PEAK1: variants seen among roughly 807,000 people sequenced by gnomAD.
PEAK1 encodes inactive tyrosine-protein kinase PEAK1.
Under a neutral mutation model 124.7 loss-of-function variants are expected in PEAK1, and 54 were observed. That is an observed-to-expected ratio of 0.43 (90% CI 0.35 to 0.54). The LOEUF (loss-of-function observed/expected upper bound fraction) is 0.54, where lower values mean the gene tolerates loss of function less well. Among genes scored for constraint, PEAK1 ranks in the 20% least tolerant of loss-of-function variants. The pLI, the probability that PEAK1 is intolerant of heterozygous loss-of-function variation, is 0.01. For missense variants in PEAK1, 2,046 were observed against 2,134.5 expected, an observed-to-expected ratio of 0.96 and a Z score of 0.82; for synonymous variants, 719 against 760.0, an observed-to-expected ratio of 0.95 and a Z score of 0.89.
intron 1 of PEAK1, among the ~76,000 whole-genome samples, chr15:77,390,705 G>T (rs2070382206): frequency 6.6e-6 from 1 of 152,180 alleles, no homozygotes; most frequent in Non-Finnish European, 1.5e-5. Flanking sequence ...ATCCACAAAT[G>T]AGACTATAAA....
At position 77,213,707 on chromosome 15, in the gene PEAK1, AC is replaced by A. The variant is rs539165165; in HGVS notation, c.-114-31668del. ...CTGTCTCAAAAAAACAAAAACAAAA[AC>A]AAAAAATAGGTGGCACAAACCTGGG... On this transcript the variant is annotated intron_variant, in intron 6 of 9. Transcript: ENST00000682557. Among the ~76,000 whole-genome samples the A allele has an allele frequency of 9.9e-5, 15 of 152,188 alleles. No individual in the cohort carries two copies. The East Asian group carries it at 2.9e-3, about 29-fold the overall frequency.
At position 77,178,941 on chromosome 15, in the gene PEAK1, C is replaced by T; in HGVS notation, c.2986G>A (p.Ala996Thr). 6.2e-7 allele frequency: 1 copy of T among 1,614,098 alleles called. No individual in the cohort carries two copies. Among genetic ancestry groups the T allele is most frequent in the Non-Finnish European group, 8.5e-7 (1 of 1,180,010 alleles). The part of the protein sequence containing the change: ...AIVFMYRCDP[A>T]QGQLSVDQSK... ...TGATCCACACTGAGCTGGCCTTGAG[C>T]AGGGTCGCACCTGTACATGAAGACA... Residue 996 changes from alanine to threonine, a missense_variant, in exon 7 of 10, where the codon GCT becomes ACT. Physicochemically the swap from Ala to Thr is moderately conservative, Grantham distance 58. Coordinates refer to ENST00000682557, the MANE Select transcript of PEAK1 (RefSeq NM_001385026.1).
At chr15:77,368,723 T>TA (rs1476769071) in intron 1 of PEAK1, among the ~76,000 whole-genome samples, 8 of 152,118 alleles carry the variant, frequency 5.3e-5, no homozygotes, top group African/African-American at 1.9e-4. Context: ...AATCAACAAG[T>TA]AAAAATATAG....
intron 6 of PEAK1, among the ~76,000 whole-genome samples, chr15:77,216,848 T>C (rs1400604115): frequency 6.6e-6 from 1 of 152,126 alleles, no homozygotes; most frequent in African/African-American, 2.4e-5. Context: ...GAGATTTTAA[T>C]GGAAATTTTA....
intron 6 of PEAK1, among the ~76,000 whole-genome samples, chr15:77,189,539 C>A (rs2057728261): frequency 6.6e-6 from 1 of 152,224 alleles, no homozygotes; most frequent in African/African-American, 2.4e-5. Flanking sequence ...CCCTCCTCAG[C>A]TCTAAGATGA....
Position 77,114,114 on chromosome 15 carries a change from G to A in PEAK1, c.*42C>T, listed in dbSNP as rs2051143142. The A allele has an allele frequency of 1.0e-5, 16 of 1,583,718 alleles. No homozygotes were observed. The highest frequency in any genetic ancestry group is 1.4e-5 in the Non-Finnish European group (16 of 1,158,160). On this transcript the variant is annotated 3_prime_UTR_variant, in exon 10 of 10. Transcript: ENST00000682557. ...GGGAGGGGAAGTGCATGGGTGACAT[G>A]AAGAAGGTGAAGATGTAGTAAAAGC...
chr15:77,138,735 G>T (rs996298661), intron 8 of PEAK1, among the ~76,000 whole-genome samples: 2 of 152,010 alleles, frequency 1.3e-5, no homozygotes, highest in African/African-American at 4.8e-5. Flanking sequence ...GGTGGCGCAT[G>T]CCTATAGTCC....
intron 2 of PEAK1, chr15:77,346,573 C>G: frequency 1.0e-6 from 1 of 985,380 alleles, no homozygotes; most frequent in Non-Finnish European, 1.2e-6. Context: ...GAAACAGTCA[C>G]ATCTCAAGAG....
At chr15:77,352,374 T>G (rs1383523502) in intron 2 of PEAK1, 2 of 985,116 alleles carry the variant, frequency 2.0e-6, no homozygotes, top group African/African-American at 3.5e-5. Flanking sequence ...ACCCCAGAAC[T>G]CTGCTCAAAT....
At chr15:77,302,794 A>C (rs2063858407) in intron 2 of PEAK1, among the ~76,000 whole-genome samples, 1 of 152,180 alleles carries the variant, frequency 6.6e-6, no homozygotes, top group Admixed American at 6.5e-5. Context: ...AAATTTGTAC[A>C]CATTAAGATC....
At chr15:77,138,925 C>G (rs1458921082) in intron 8 of PEAK1, among the ~76,000 whole-genome samples, 1 of 150,712 alleles carries the variant, frequency 6.6e-6, no homozygotes, top group Non-Finnish European at 1.5e-5. Context: ...CCTATTTAAA[C>G]AAAACTTTTT....
intron 1 of PEAK1, among the ~76,000 whole-genome samples, chr15:77,379,652 C>T (rs565246017): frequency 6.6e-6 from 1 of 152,008 alleles, no homozygotes; most frequent in Non-Finnish European, 1.5e-5. Flanking sequence ...AAGGGCCCAT[C>T]CAACATAGAA....
chr15:77,336,365 A>G lies in PEAK1; in HGVS notation c.-603+28798T>C, dbSNP rs1350400400. 3.0e-6 allele frequency: 3 copies of G among 985,266 alleles called. No individual in the cohort carries two copies. In the African/African-American group the frequency reaches 5.2e-5, roughly 17 times the overall value. 61.0% of individuals were successfully genotyped at this position (985,266 alleles called of 1,614,324 possible). ...TCTCACCAAAAAGCTCTCATTATAG[A>G]GACGTTTACTAGGAACCAAGGCAGC... On this transcript the variant is annotated intron_variant, in intron 2 of 9. Transcript: ENST00000682557.
At position 77,180,269 on chromosome 15, in the gene PEAK1, C is replaced by T; in HGVS notation, c.1658G>A (p.Ser553Asn). Residue 553 changes from serine (S) to asparagine (N), a missense_variant, in exon 7 of 10, where the codon AGT becomes AAT. Ser to Asn is a conservative substitution (Grantham distance 46, BLOSUM62 1). Coordinates refer to ENST00000682557, the MANE Select transcript of PEAK1 (RefSeq NM_001385026.1). ...TGGAGGAACATTTGGTCCAGTTCCA[C>T]TAGTAATTAGTTCTACTTTAGGTAT... ...QKIPKVELIT[S>N]GTGPNVPPRK... 6.2e-7 allele frequency: 1 copy of T among 1,614,154 alleles called. No homozygotes were observed. The highest frequency in any genetic ancestry group is 8.5e-7 in the Non-Finnish European group (1 of 1,180,020).
chr15:77,197,366 G>A (rs1322121687), intron 6 of PEAK1, among the ~76,000 whole-genome samples: 1 of 152,116 alleles, frequency 6.6e-6, no homozygotes, highest in Non-Finnish European at 1.5e-5. Flanking sequence ...AAAACAAGAG[G>A]TGAAATTTAT....
At chr15:77,124,281 A>G (rs1490510072) in intron 9 of PEAK1, among the ~76,000 whole-genome samples, 3 of 152,182 alleles carry the variant, frequency 2.0e-5, no homozygotes, top group Admixed American at 6.5e-5. Flanking sequence ...CTTCCATTAC[A>G]ATCTCATGTA....
intron 2 of PEAK1, among the ~76,000 whole-genome samples, chr15:77,339,103 A>T (rs2066377650): frequency 6.6e-6 from 1 of 151,734 alleles, no homozygotes; most frequent in African/African-American, 2.4e-5. Flanking sequence ...TTAATAAGGT[A>T]AAATGTTAAG....
intron 1 of PEAK1, among the ~76,000 whole-genome samples, chr15:77,395,958 T>C (rs1178204996): frequency 6.6e-6 from 1 of 152,180 alleles, no homozygotes; most frequent in Non-Finnish European, 1.5e-5. Context: ...AGTACTCATA[T>C]CTTGAGTAGA....
intron 7 of PEAK1, among the ~76,000 whole-genome samples, chr15:77,173,215 A>T (rs2056628748): frequency 6.6e-6 from 1 of 152,238 alleles, no homozygotes; most frequent in African/African-American, 2.4e-5. Flanking sequence ...AATGAAAAAG[A>T]CAAGTGTCTT....
Sources: gnomAD v4.1 joint callset for allele counts (sites outside exome capture counted in the v4.1 genomes callset) on GRCh38, gnomAD v4.1.1 for gene constraint, MANE v1.5 for transcripts, NCBI Gene and HGNC (gene_info 2026-07-23, HGNC 2026-07-21) for gene names.